Variants in NFATC2 observed in about 807,000 individuals in gnomAD.
NFATC2 encodes nuclear factor of activated T-cells, cytoplasmic 2.
In NFATC2, 22 loss-of-function variants were observed where a neutral mutation model predicts 87.3. The observed-to-expected ratio is 0.25, with a 90% CI of 0.18 to 0.36. NFATC2 has a LOEUF of 0.36. Ranked by LOEUF, NFATC2 falls within the 10% of genes least tolerant of loss-of-function variation. The pLI is 1.00. For missense variants in NFATC2, 1,149 were observed against 1,259.1 expected, an observed-to-expected ratio of 0.91 and a Z score of 1.32; for synonymous variants, 565 against 542.2, an observed-to-expected ratio of 1.04 and a Z score of -0.58.
At chr20:51,433,915 C>A (rs1015463751) in intron 8 of NFATC2, among the ~76,000 whole-genome samples, 4 of 152,114 alleles carry the variant, frequency 2.6e-5, no homozygotes, top group Non-Finnish European at 5.9e-5. Context: ...CCTGGCCCAA[C>A]TGGGAGACTG....
intron 1 of NFATC2, among the ~76,000 whole-genome samples, chr20:51,527,822 C>T (rs1035167152): frequency 6.6e-6 from 1 of 152,062 alleles, no homozygotes; most frequent in Admixed American, 6.6e-5. Flanking sequence ...CATCCTGGGC[C>T]AGTCATGGTG....
chr20:51,495,959 T>C lies in NFATC2; in HGVS notation c.1333-20299A>G, dbSNP rs537220856. ...TACAGTCGGGAGCATCTTTTTTATA[T>C]TAAAAAGAGGCCTTGAGCAAACACT... On this transcript the variant is annotated intron_variant, in intron 3 of 10. Coordinates refer to ENST00000371564, the MANE Select transcript of NFATC2 (RefSeq NM_012340.5). 7.2e-5 allele frequency among the ~76,000 whole-genome samples: 11 copies of C among 152,280 alleles called. No individual in the cohort carries two copies. The South Asian group carries it at 2.1e-3, about 29-fold the overall frequency.
rs1222146135 is a variant in NFATC2, at chr20:51,388,140, C to T, written c.*3356G>A. 1.3e-5 allele frequency: 2 copies of T among 152,084 alleles called. No homozygotes were observed. Among genetic ancestry groups the T allele is most frequent in the Non-Finnish European group, 2.9e-5 (2 of 68,022 alleles). The allele number at this position is 152,084 out of a possible 1,614,324, so 9.4% of individuals were successfully genotyped here. ...TATCTACCAGGATTTAGATTTGGTC[C>T]CTTCTGTAAATATTAGCCTGAACGT... On this transcript the variant is annotated 3_prime_UTR_variant, in exon 11 of 11. Coordinates refer to ENST00000371564, the MANE Select transcript of NFATC2 (RefSeq NM_012340.5).
At chr20:51,519,930 A>AG (rs890947703) in intron 2 of NFATC2, among the ~76,000 whole-genome samples, 7 of 151,292 alleles carry the variant, frequency 4.6e-5, no homozygotes, top group African/African-American at 1.7e-4. Flanking sequence ...AAAAAAAAAA[A>AG]GAACAAAAAA....
chr20:51,487,161 G>A (rs1255303774), intron 3 of NFATC2, among the ~76,000 whole-genome samples: 1 of 152,184 alleles, frequency 6.6e-6, no homozygotes, highest in East Asian at 1.9e-4. Context: ...ATCTGCAGAG[G>A]CCTGGGCTCT....
chr20:51,499,583 C>T (rs2146618911), intron 3 of NFATC2, among the ~76,000 whole-genome samples: 1 of 152,060 alleles, frequency 6.6e-6, no homozygotes, highest in South Asian at 2.1e-4. Flanking sequence ...TGAAACCCGT[C>T]TCTACCAAAA....
At chr20:51,553,739 T>C (rs1219443979) in intron 1 of NFATC2, among the ~76,000 whole-genome samples, 1 of 149,806 alleles carries the variant, frequency 6.7e-6, no homozygotes, top group Admixed American at 6.6e-5. Flanking sequence ...TAAACGACGG[T>C]CCTTGATCTT....
At chr20:51,556,086 A>C (rs2076975853) in intron 1 of NFATC2, among the ~76,000 whole-genome samples, 1 of 152,204 alleles carries the variant, frequency 6.6e-6, no homozygotes, top group Non-Finnish European at 1.5e-5. Context: ...AGAAGGTCAC[A>C]TGAAGACAGA....
At position 51,398,628 on chromosome 20, in the gene NFATC2, G is replaced by C; in HGVS notation, c.*44+15C>G. 1 of 1,563,128 alleles carries C rather than the reference G, an allele frequency of 6.4e-7. No individual in the cohort carries two copies. Among genetic ancestry groups the C allele is most frequent in the South Asian group, 1.2e-5 (1 of 85,466 alleles). On this transcript the variant is annotated intron_variant, in intron 10 of 10. Coordinates refer to ENST00000371564, the MANE Select transcript of NFATC2 (RefSeq NM_012340.5). ...CAGCTGGAAAACAAAAGGAGAAGCA[G>C]AAGATATCGATTACCTTTAACTTTG...
chr20:51,396,071 TATATATATATATATATATATATAA>T (rs1987073376), intron 10 of NFATC2, among the ~76,000 whole-genome samples: 3 of 30,000 alleles, frequency 1.0e-4, no homozygotes, highest in African/African-American at 5.2e-4. Flanking sequence ...TATATATATA[TATATATATATATATATATATATAA>T]GCTAATGGCA....
intron 5 of NFATC2, among the ~76,000 whole-genome samples, chr20:51,470,344 G>A (rs1988087549): frequency 1.3e-5 from 2 of 152,098 alleles, no homozygotes; most frequent in Admixed American, 1.3e-4. Flanking sequence ...AAGCCCTAGT[G>A]GAAACAGAAG....
chr20:51,489,399 T>C (rs1231919318), intron 3 of NFATC2, among the ~76,000 whole-genome samples: 1 of 152,214 alleles, frequency 6.6e-6, no homozygotes, highest in East Asian at 1.9e-4. Flanking sequence ...AGATTCCTAA[T>C]GACTTCATAG....
In NFATC2 at chr20:51,534,077, G is replaced by A. The variant is rs368878468; in HGVS notation, c.130+8293C>T. Among the ~76,000 whole-genome samples the A allele has an allele frequency of 1.1e-4, 16 of 152,224 alleles. No individual in the cohort carries two copies. In the East Asian group the frequency reaches 1.4e-3, roughly 13 times the overall value. On this transcript the variant is annotated intron_variant, in intron 1 of 10. Coordinates refer to ENST00000371564, the MANE Select transcript of NFATC2 (RefSeq NM_012340.5). Reference sequence around the variant, plus strand: ...TGTCCACTGTGCCGCAAGCTTTCACGTGTACGCTCCCCTGTTCTCTCTGCA... The same window carrying A: ...TGTCCACTGTGCCGCAAGCTTTCACATGTACGCTCCCCTGTTCTCTCTGCA...
chr20:51,459,975 GA>G (rs1257212588), intron 5 of NFATC2, among the ~76,000 whole-genome samples: 1 of 152,184 alleles, frequency 6.6e-6, no homozygotes, highest in African/African-American at 2.4e-5. Context: ...TTCATGTACT[GA>G]ATTGCATACT....
At chr20:51,552,808 AT>A (rs538904804) in intron 1 of NFATC2, among the ~76,000 whole-genome samples, 14 of 151,950 alleles carry the variant, frequency 9.2e-5, no homozygotes, top group Admixed American at 1.3e-4. Context: ...TAATATTTTT[AT>A]TTTTTTTAAT....
At chr20:51,475,333 G>A in intron 4 of NFATC2, 125 bp downstream of exon 4, 1 of 887,432 alleles carries the variant, frequency 1.1e-6, no homozygotes, top group Non-Finnish European at 1.8e-6. Context: ...ATGGATCACA[G>A]ACTGAGAACT....
chr20:51,443,821 A>AAC (rs1984687384), intron 6 of NFATC2, among the ~76,000 whole-genome samples: 1 of 152,130 alleles, frequency 6.6e-6, no homozygotes, highest in Non-Finnish European at 1.5e-5. Flanking sequence ...CCGGTGTGAA[A>AAC]ACAGCCCTTC....
At chr20:51,461,818 T>C (rs1987184110) in intron 5 of NFATC2, among the ~76,000 whole-genome samples, 1 of 152,212 alleles carries the variant, frequency 6.6e-6, no homozygotes, top group African/African-American at 2.4e-5. Flanking sequence ...GCAGTTTCTG[T>C]TAATAACAGC....
intron 1 of NFATC2, among the ~76,000 whole-genome samples, chr20:51,555,591 C>T (rs2076971601): frequency 6.9e-6 from 1 of 144,526 alleles, no homozygotes; most frequent in Non-Finnish European, 1.6e-5. Flanking sequence ...GAGACTCCAT[C>T]TCAAAAAAAA....
Sources: gnomAD v4.1 joint callset for allele counts (sites outside exome capture counted in the v4.1 genomes callset) on GRCh38, gnomAD v4.1.1 for gene constraint, MANE v1.5 for transcripts, NCBI Gene and HGNC (gene_info 2026-07-23, HGNC 2026-07-21) for gene names.